AKT3: variants seen among roughly 807,000 people sequenced by gnomAD.
AKT3 encodes the protein AKT serine/threonine kinase 3.
AKT3 carries 15 observed loss-of-function variants against 65.3 expected under a neutral mutation model. The ratio of observed to expected loss-of-function variants is 0.23; its 90% CI spans 0.15 to 0.35. AKT3 has a LOEUF of 0.35. AKT3 is among the 10% of genes least tolerant of loss of function. The pLI, the probability that AKT3 is intolerant of heterozygous loss-of-function variation, is 1.00. For synonymous variants in AKT3, 206 were observed against 183.8 expected, an observed-to-expected ratio of 1.12 and a Z score of -0.98; for missense variants, 243 against 576.5, an observed-to-expected ratio of 0.42 and a Z score of 5.92.
At chr1:243,524,227 T>C (rs1670904245) in intron 12 of AKT3, among the ~76,000 whole-genome samples, 1 of 152,256 alleles carries the variant, frequency 6.6e-6, no homozygotes, top group Admixed American at 6.5e-5. Flanking sequence ...ATGTTGTGCA[T>C]GACTTACAGA....
intron 12 of AKT3, among the ~76,000 whole-genome samples, chr1:243,538,394 GA>G (rs775835692): frequency 1.9e-4 from 27 of 139,440 alleles, no homozygotes; most frequent in African/African-American, 4.2e-4. Context: ...AAGGAACAAA[GA>G]AAAAAAAAAC....
intron 8 of AKT3, among the ~76,000 whole-genome samples, chr1:243,594,155 C>G (rs985601815): frequency 2.0e-5 from 3 of 151,986 alleles, no homozygotes; most frequent in Admixed American, 2.0e-4. Flanking sequence ...TATATGCTAA[C>G]AGCAAACAAT....
chr1:243,767,294 A>G (rs896718676), intron 2 of AKT3, among the ~76,000 whole-genome samples: 4 of 152,152 alleles, frequency 2.6e-5, no homozygotes, highest in Middle Eastern at 3.2e-3. Flanking sequence ...AAATTAAATG[A>G]TAGACACACC....
intron 8 of AKT3, among the ~76,000 whole-genome samples, chr1:243,574,151 T>A (rs1041208125): frequency 2.0e-5 from 3 of 152,132 alleles, no homozygotes; most frequent in Non-Finnish European, 4.4e-5. Context: ...TCTACAAAAT[T>A]GGTGAAAATT....
chr1:243,833,350 A>C (rs1694659887), intron 2 of AKT3, among the ~76,000 whole-genome samples: 1 of 152,196 alleles, frequency 6.6e-6, no homozygotes, highest in South Asian at 2.1e-4. Context: ...GGGAGGCTTC[A>C]GGAAACTTAC....
intron 2 of AKT3, among the ~76,000 whole-genome samples, chr1:243,798,553 C>T (rs910804329): frequency 1.3e-5 from 2 of 151,814 alleles, no homozygotes; most frequent in Admixed American, 1.3e-4. Context: ...TATTTATGTT[C>T]TTGATATTAT....
intron 2 of AKT3, among the ~76,000 whole-genome samples, chr1:243,721,704 T>C (rs1686917971): frequency 6.6e-6 from 1 of 151,934 alleles, no homozygotes; most frequent in African/African-American, 2.4e-5. Context: ...AAGGAGTTAA[T>C]AACCCTGGGA....
At chr1:243,666,399 C>A (rs1258709895) in intron 3 of AKT3, among the ~76,000 whole-genome samples, 1 of 152,178 alleles carries the variant, frequency 6.6e-6, no homozygotes, top group Non-Finnish European at 1.5e-5. Context: ...TTTCAGCAAT[C>A]ATCTCTCAGT....
At chr1:243,735,866 T>G (rs975030285) in intron 2 of AKT3, 4 of 152,200 alleles carry the variant, frequency 2.6e-5, no homozygotes, top group Non-Finnish European at 5.9e-5. Context: ...GAATTTGAAG[T>G]TCAAAGTATG....
At chr1:243,721,447 G>A (rs927280096) in intron 2 of AKT3, among the ~76,000 whole-genome samples, 20 of 152,126 alleles carry the variant, frequency 1.3e-4, no homozygotes, top group Non-Finnish European at 1.8e-4. Context: ...CTGAAAAATG[G>A]ATAGTTGTCC....
At chr1:243,755,315 T>A (rs1175327642) in intron 2 of AKT3, among the ~76,000 whole-genome samples, 1 of 151,672 alleles carries the variant, frequency 6.6e-6, no homozygotes, top group African/African-American at 2.4e-5. Context: ...GCCCAAGTGA[T>A]CTGCCCGCCT....
intron 2 of AKT3, among the ~76,000 whole-genome samples, chr1:243,790,810 T>C (rs1363936019): frequency 6.6e-6 from 1 of 152,176 alleles, no homozygotes; most frequent in African/African-American, 2.4e-5. Context: ...AATATTGTTG[T>C]GTCTCAGGAG....
chr1:243,737,138 G>T (rs899682563), intron 2 of AKT3, among the ~76,000 whole-genome samples: 1 of 151,968 alleles, frequency 6.6e-6, no homozygotes. Context: ...CTCTACCTTC[G>T]GATCTCAGCT....
chr1:243,542,764 T>C (rs1230552877), intron 12 of AKT3, among the ~76,000 whole-genome samples: 14 of 152,222 alleles, frequency 9.2e-5, no homozygotes, highest in Admixed American at 8.5e-4. Flanking sequence ...ATTAATTTCA[T>C]GTTCATCTGT....
intron 13 of AKT3, among the ~76,000 whole-genome samples, chr1:243,494,033 C>G (rs967271025): frequency 1.3e-5 from 2 of 152,088 alleles, no homozygotes; most frequent in African/African-American, 2.4e-5. Flanking sequence ...TTCCAGGAGC[C>G]CTGGGGGCCT....
Position 243,587,330 on chromosome 1 carries a change from G to A in AKT3, c.697-14282C>T, listed in dbSNP as rs142046591. 6.4e-4 allele frequency among the ~76,000 whole-genome samples: 98 copies of A among 152,216 alleles called. 1 individual carries two copies. Among genetic ancestry groups the A allele is most frequent in the African/African-American group, 2.1e-3 (89 of 41,518 alleles). On this transcript the variant is annotated intron_variant, in intron 8 of 13. Transcript: ENST00000673466. ...ATTTCCTTAAAAAATAAAAATATAC[G>A]CTGGGTACAGTGGCTCACGCCTGTA...
chr1:243,822,486 C>A (rs1365332414), intron 2 of AKT3, among the ~76,000 whole-genome samples: 1 of 148,796 alleles, frequency 6.7e-6, no homozygotes, highest in African/African-American at 2.5e-5. Context: ...AAAAACTAAT[C>A]CAGGAGCTGG....
intron 2 of AKT3, among the ~76,000 whole-genome samples, chr1:243,803,861 G>A (rs1326044761): frequency 3.3e-5 from 5 of 152,166 alleles, no homozygotes; most frequent in African/African-American, 1.2e-4. Context: ...ATGAAAAACT[G>A]ACATAAGGAG....
chr1:243,780,158 T>G (rs1690812129), intron 2 of AKT3, among the ~76,000 whole-genome samples: 1 of 152,056 alleles, frequency 6.6e-6, no homozygotes, highest in African/African-American at 2.4e-5. Context: ...AGATTCCTAT[T>G]AATTATAAAG....
Sources: allele counts gnomAD v4.1 joint callset (sites outside exome capture counted in the v4.1 genomes callset), GRCh38; gene constraint gnomAD v4.1.1; transcripts MANE v1.5; gene names NCBI Gene and HGNC (gene_info 2026-07-23, HGNC 2026-07-21).